The following RGS17 variants were observed in gnomAD, a reference collection of about 807,000 sequenced individuals.
RGS17 encodes regulator of G-protein signaling 17.
A neutral mutation model predicts 25.5 loss-of-function variants in RGS17; 12 were observed. The observed-to-expected ratio is 0.47, with a 90% CI of 0.30 to 0.76. RGS17 has a LOEUF of 0.76. Among genes scored for constraint, RGS17 ranks in the 30% least tolerant of loss-of-function variants. The pLI is 0.07. For missense variants in RGS17, 196 were observed against 242.2 expected (o/e 0.81, Z 1.27); for synonymous variants, 71 against 76.9 (o/e 0.92, Z 0.40).
chr6:153,126,022 A>G (rs531219319), intron 1 of RGS17, among the ~76,000 whole-genome samples: 1 of 152,356 alleles, frequency 6.6e-6, no homozygotes, highest in Admixed American at 6.5e-5. Context: ...TTGCAGATAC[A>G]GAGCTCGTTA....
intron 1 of RGS17, among the ~76,000 whole-genome samples, chr6:153,123,545 A>C (rs1777667091): frequency 6.6e-6 from 1 of 152,184 alleles, no homozygotes; most frequent in Non-Finnish European, 1.5e-5. Flanking sequence ...TAACTGCTAG[A>C]TTTAGAAATT....
intron 2 of RGS17, among the ~76,000 whole-genome samples, chr6:153,026,985 G>A (rs566974339): frequency 1.1e-4 from 16 of 152,222 alleles, no homozygotes; most frequent in African/African-American, 3.9e-4. Flanking sequence ...GAGCTAATAA[G>A]ATACAATGTG....
chr6:153,094,160 C>T (rs954713017), intron 1 of RGS17, among the ~76,000 whole-genome samples: 2 of 151,654 alleles, frequency 1.3e-5, no homozygotes, highest in South Asian at 2.1e-4. Flanking sequence ...ACTGCAATCT[C>T]TGCCTCCCGG....
chr6:153,071,291 C>T (rs1024260590), intron 1 of RGS17, among the ~76,000 whole-genome samples: 1 of 151,612 alleles, frequency 6.6e-6, no homozygotes, highest in Non-Finnish European at 1.5e-5. Context: ...TATAAACACA[C>T]ATACACATAA....
chr6:153,056,553 A>G (rs1333983290), intron 1 of RGS17, among the ~76,000 whole-genome samples: 1 of 152,186 alleles, frequency 6.6e-6, no homozygotes, highest in East Asian at 1.9e-4. Context: ...TTACTGGTGA[A>G]CAAGTCCTTG....
intron 1 of RGS17, among the ~76,000 whole-genome samples, chr6:153,049,450 A>G (rs1001170487): frequency 2.0e-5 from 3 of 152,124 alleles, no homozygotes; most frequent in African/African-American, 7.2e-5. Flanking sequence ...TAATTGTCCT[A>G]AATTATTTTA....
intron 1 of RGS17, among the ~76,000 whole-genome samples, chr6:153,073,684 T>C (rs1776838560): frequency 6.6e-6 from 1 of 151,938 alleles, no homozygotes; most frequent in African/African-American, 2.4e-5. Flanking sequence ...TGAATATAGG[T>C]AGGTCAAGAG....
chr6:153,070,219 T>C (rs1776767921), intron 1 of RGS17, among the ~76,000 whole-genome samples: 1 of 150,496 alleles, frequency 6.6e-6, no homozygotes, highest in Admixed American at 6.7e-5. Context: ...TGACAAGTTG[T>C]TTTCTTTTTT....
chr6:153,117,418 T>C (rs1002469739), intron 1 of RGS17, among the ~76,000 whole-genome samples: 1 of 152,150 alleles, frequency 6.6e-6, no homozygotes, highest in Admixed American at 6.5e-5. Flanking sequence ...AGATGAAATT[T>C]GGGTGGGGAC....
At chr6:153,054,838 C>T (rs1367188809) in intron 1 of RGS17, among the ~76,000 whole-genome samples, 2 of 152,054 alleles carry the variant, frequency 1.3e-5, no homozygotes, top group African/African-American at 4.8e-5. Context: ...AATTCCTACT[C>T]ATTGATTTCC....
intron 1 of RGS17, among the ~76,000 whole-genome samples, chr6:153,116,001 A>T (rs763470633): frequency 2.0e-5 from 3 of 152,226 alleles, no homozygotes; most frequent in Non-Finnish European, 4.4e-5. Context: ...ACCATTCAGG[A>T]TATGGGCATG....
At chr6:153,077,045 A>G (rs78964424) in intron 1 of RGS17, among the ~76,000 whole-genome samples, 11,553 of 152,226 alleles carry the variant, frequency 0.076, 587 homozygotes, top group East Asian at 0.15. Flanking sequence ...ATCACTAATG[A>G]GGGACCACCT....
At chr6:153,038,119 TC>T (rs890931981) in intron 2 of RGS17, among the ~76,000 whole-genome samples, 1 of 152,216 alleles carries the variant, frequency 6.6e-6, no homozygotes, top group Non-Finnish European at 1.5e-5. Context: ...GAGTTTTTTG[TC>T]CGGGTCTGAA....
chr6:153,041,691 T>C (rs1482832799), intron 2 of RGS17, among the ~76,000 whole-genome samples: 1 of 152,222 alleles, frequency 6.6e-6, no homozygotes, highest in Non-Finnish European at 1.5e-5. Flanking sequence ...ATAGTGCAAA[T>C]GAGCACTAGA....
chr6:153,093,426 G>C (rs181008701), intron 1 of RGS17, among the ~76,000 whole-genome samples: 11 of 152,292 alleles, frequency 7.2e-5, no homozygotes, highest in Non-Finnish European at 1.2e-4. Flanking sequence ...TGCGACTATA[G>C]TCTTGGTTTG....
At chr6:153,105,411 C>T (rs1161767182) in intron 1 of RGS17, among the ~76,000 whole-genome samples, 1 of 152,084 alleles carries the variant, frequency 6.6e-6, no homozygotes, top group Non-Finnish European at 1.5e-5. Flanking sequence ...CATCCTGCTG[C>T]CACCCCGGGC....
chr6:153,041,853 T>A (rs115789040), intron 2 of RGS17, among the ~76,000 whole-genome samples: 6 of 152,210 alleles, frequency 3.9e-5, no homozygotes, highest in Admixed American at 2.0e-4. Context: ...TTTAAAGTGA[T>A]CTTTATTTTC....
chr6:153,098,760 G>A (rs1777254588), intron 1 of RGS17, among the ~76,000 whole-genome samples: 2 of 152,072 alleles, frequency 1.3e-5, no homozygotes, highest in African/African-American at 2.4e-5. Flanking sequence ...CACATAAGGG[G>A]ACCTCAAAAA....
chr6:153,058,405 G>C (rs1776591972), intron 1 of RGS17, among the ~76,000 whole-genome samples: 1 of 152,170 alleles, frequency 6.6e-6, no homozygotes, highest in East Asian at 1.9e-4. Flanking sequence ...AAGACTAATG[G>C]TTTGGTTTAT....
Sources: allele counts gnomAD v4.1 joint callset (sites outside exome capture counted in the v4.1 genomes callset), GRCh38; gene constraint gnomAD v4.1.1; transcripts MANE v1.5; gene names NCBI Gene and HGNC (gene_info 2026-07-23, HGNC 2026-07-21).